CKM: variants seen among roughly 807,000 people sequenced by gnomAD.
CKM encodes the protein creatine kinase, M-type, also known as creatine kinase M-type.
Under a neutral mutation model 35.4 loss-of-function variants are expected in CKM, and 28 were observed. The ratio of observed to expected loss-of-function variants is 0.79; its 90% CI spans 0.59 to 1.08. The LOEUF is 1.08. Ranked by LOEUF, CKM falls within the 50% of genes least tolerant of loss-of-function variation. The pLI is 0.00. For synonymous variants in CKM, 215 were observed against 204.4 expected, an observed-to-expected ratio of 1.05 and a Z score of -0.44; for missense variants, 484 against 509.8, an observed-to-expected ratio of 0.95 and a Z score of 0.49.
At chr19:45,322,689 C>G in intron 1 of CKM, 132 bp downstream of exon 1, 1 of 476,020 alleles carries the variant, frequency 2.1e-6, no homozygotes. Flanking sequence ...TCCCACGCAC[C>G]GACCTGCCTT....
intron 3 of CKM, 69 bp from the exon 4 acceptor site, chr19:45,315,666 C>G (rs1213616207): frequency 1.9e-6 from 3 of 1,572,642 alleles, no homozygotes; most frequent in South Asian, 2.3e-5. Flanking sequence ...AGGTCTCCCC[C>G]AGATGCTCCC....
chr19:45,321,323 G>A (rs1190571008), intron 1 of CKM, among the ~76,000 whole-genome samples: 1 of 151,974 alleles, frequency 6.6e-6, no homozygotes, highest in Non-Finnish European at 1.5e-5. Flanking sequence ...GGCTGGGTCG[G>A]GGGAGGGCTG....
chr19:45,312,212 G>GTGC (rs1019213058), intron 4 of CKM, among the ~76,000 whole-genome samples: 1 of 152,218 alleles, frequency 6.6e-6, no homozygotes, highest in Non-Finnish European at 1.5e-5. Flanking sequence ...AGGCCACAGT[G>GTGC]TGCTGGTGCC....
intron 7 of CKM, 27 bp downstream of exon 7, chr19:45,307,434 G>A: frequency 1.9e-6 from 3 of 1,609,618 alleles, no homozygotes; most frequent in Non-Finnish European, 1.7e-6. Flanking sequence ...CCCCTCCGTC[G>A]TGGTGCAAAG....
At chr19:45,310,937 ATT>A (rs71173145) in intron 5 of CKM, among the ~76,000 whole-genome samples, 4 of 129,782 alleles carry the variant, frequency 3.1e-5, no homozygotes, top group African/African-American at 3.0e-5. Context: ...CGCCGGGCTA[ATT>A]TTTTTTTTTT....
chr19:45,308,661 T>A, intron 5 of CKM, 129 bp from the exon 6 acceptor site: 1 of 1,177,576 alleles, frequency 8.5e-7, no homozygotes, highest in Non-Finnish European at 1.3e-6. Context: ...GGGTGGCATC[T>A]GCCTCCTCAA....
rs768475139 is a variant in CKM at position 45,319,721 on chromosome 19, G to A, written c.-8C>T. 2 of 1,613,994 alleles carry A rather than the reference G, an allele frequency of 1.2e-6. No homozygotes were observed. The highest frequency in any genetic ancestry group is 1.7e-6 in the Non-Finnish European group (2 of 1,179,912). The stretch of plus-strand genomic sequence containing the variant: ...GGTGTTACCGAATGGCATGGTGGCG[G>A]TGTAGGAGACCTGATGGGCAGGGCA... On this transcript the variant is annotated 5_prime_UTR_variant, in exon 2 of 8. Transcript: ENST00000221476.
intron 1 of CKM, among the ~76,000 whole-genome samples, chr19:45,322,138 A>G (rs1472143771): frequency 6.6e-6 from 1 of 150,702 alleles, no homozygotes; most frequent in Non-Finnish European, 1.5e-5. Context: ...GGCAGCCCAG[A>G]CCCCCTCCCT....
intron 1 of CKM, among the ~76,000 whole-genome samples, chr19:45,320,519 C>T (rs1300464081): frequency 2.0e-5 from 3 of 152,184 alleles, no homozygotes; most frequent in South Asian, 4.1e-4. Flanking sequence ...GGAAGGCATC[C>T]GGAGTCTTAG....
At chr19:45,317,427 A>C (rs563924674) in intron 3 of CKM, among the ~76,000 whole-genome samples, 34 of 152,104 alleles carry the variant, frequency 2.2e-4, no homozygotes, top group Non-Finnish European at 4.1e-4. Flanking sequence ...AGCTGGGATT[A>C]CAGGCATGTG....
intron 5 of CKM, among the ~76,000 whole-genome samples, chr19:45,309,255 A>G (rs1355526956): frequency 7.2e-6 from 1 of 139,080 alleles, no homozygotes; most frequent in Non-Finnish European, 1.6e-5. Context: ...AGAACATAAA[A>G]TATTAAGATC....
At chr19:45,312,421 CT>C (rs1249373380) in intron 4 of CKM, among the ~76,000 whole-genome samples, 3,072 of 142,114 alleles carry the variant, frequency 0.022, 70 homozygotes, top group African/African-American at 0.061. Context: ...AGACCCCCAT[CT>C]TTTTTTTTTT....
intron 4 of CKM, among the ~76,000 whole-genome samples, chr19:45,312,862 G>A (rs914848112): frequency 6.6e-5 from 10 of 150,788 alleles, no homozygotes; most frequent in African/African-American, 2.2e-4. Flanking sequence ...GCTGAGGCAC[G>A]AGAAACACTT....
chr19:45,318,610 T>C (rs1971182317), intron 2 of CKM, among the ~76,000 whole-genome samples: 1 of 152,010 alleles, frequency 6.6e-6, no homozygotes, highest in African/African-American at 2.4e-5. Flanking sequence ...CCCAAAGTCA[T>C]GACATCTTAG....
chr19:45,321,822 G>T lies in CKM; in HGVS notation c.-19+999C>A, dbSNP rs113870979. 2.7e-3 allele frequency among the ~76,000 whole-genome samples: 405 copies of T among 152,152 alleles called. 4 individuals are homozygous for T. The highest frequency in any genetic ancestry group is 9.4e-3 in the African/African-American group (389 of 41,496). ...GAGAAGGGACCCAGAAAGGAGAAGGGGCCTCCAGCAGCGGTGGGAGACGGG... is the reference window on the plus strand; with the variant it reads ...GAGAAGGGACCCAGAAAGGAGAAGGTGCCTCCAGCAGCGGTGGGAGACGGG... On this transcript the variant is annotated intron_variant, in intron 1 of 7. Transcript: ENST00000221476.
At chr19:45,310,527 T>C (rs986847638) in intron 5 of CKM, among the ~76,000 whole-genome samples, 5 of 152,108 alleles carry the variant, frequency 3.3e-5, no homozygotes, top group African/African-American at 1.2e-4. Context: ...GAAACTGGGG[T>C]AGAGAAAAAT....
chr19:45,311,962 C>A lies in CKM; in HGVS notation c.482-42G>T. The A allele has an allele frequency of 2.5e-6, 4 of 1,610,218 alleles. No individual in the cohort carries two copies. The African/African-American group carries it at 5.3e-5, about 21-fold the overall frequency. On this transcript the variant is annotated intron_variant, in intron 4 of 7. Transcript: ENST00000221476. ...GGGAGTGGTCAGCAGCCTGTCCCAC[C>A]TCAACCAGGGTGTGGAGGCCCAGGG...
chr19:45,321,821 G>A (rs1266823314), intron 1 of CKM, among the ~76,000 whole-genome samples: 2 of 152,066 alleles, frequency 1.3e-5, no homozygotes, highest in Non-Finnish European at 2.9e-5. Context: ...AAAGGAGAAG[G>A]GGCCTCCAGC....
chr19:45,307,354 C>A (rs1180300940), intron 7 of CKM, 107 bp downstream of exon 7: 2 of 1,035,542 alleles, frequency 1.9e-6, no homozygotes, highest in Non-Finnish European at 2.9e-6. Context: ...GAGGGTCAGC[C>A]CTTGCCGGAT....
Sources: gnomAD v4.1 joint callset for allele counts (sites outside exome capture counted in the v4.1 genomes callset) on GRCh38, gnomAD v4.1.1 for gene constraint, MANE v1.5 for transcripts, NCBI Gene and HGNC (gene_info 2026-07-23, HGNC 2026-07-21) for gene names.